GRM2: variants seen among roughly 807,000 people sequenced by gnomAD.
GRM2 encodes glutamate metabotropic receptor 2.
GRM2 carries 35 observed loss-of-function variants against 60.4 expected under a neutral mutation model. The observed-to-expected ratio is 0.58, with a 90% confidence interval of 0.44 to 0.77. The LOEUF (loss-of-function observed/expected upper bound fraction) is 0.77. Ranked by LOEUF, GRM2 falls within the 30% of genes least tolerant of loss-of-function variation. The pLI is 0.00. For synonymous variants in GRM2, 437 were observed against 484.1 expected (o/e 0.90, Z 1.28); for missense variants, 925 against 1,199.5 (o/e 0.77, Z 3.38).
Position 51,712,355 on chromosome 3 carries a change from A to G in GRM2, c.451-118A>G. ...TCAGGATGCAGGGCTTTAGAGAGGGAGCCTTTAGGCCTGACCTTGTGGACA... is the reference window on the plus strand; with the variant it reads ...TCAGGATGCAGGGCTTTAGAGAGGGGGCCTTTAGGCCTGACCTTGTGGACA... On this transcript the variant is annotated intron_variant, in intron 2 of 5. Transcript: ENST00000395052. The surrounding 1 kb of genome is among the most constrained non-coding windows in gnomAD (Gnocchi z 5.3). 1 of 709,272 alleles carries G rather than the reference A, an allele frequency of 1.4e-6. No homozygotes were observed. Among genetic ancestry groups the G allele is most frequent in the Non-Finnish European group, 2.5e-6 (1 of 402,432 alleles). 43.9% of individuals were successfully genotyped at this position (709,272 alleles called of 1,614,324 possible). A position where few individuals can be genotyped will look rare whatever the true frequency, so the allele number is the denominator to read the frequency against.
At position 51,717,229 on chromosome 3, in the gene GRM2, CAAAT is replaced by C. The variant is rs1034702180; in HGVS notation, c.2365-407_2365-404del. ...GGCACACACACATATATCTTCCTGA[CAAAT>C]GAATCCATACCCATGCACCCTACAC... On this transcript the variant is annotated intron_variant, in intron 4 of 5. Transcript: ENST00000395052. The surrounding 1 kb of genome is among the most constrained non-coding windows in gnomAD (Gnocchi z 6.0). Among the ~76,000 whole-genome samples, 2 of 151,966 alleles carry C rather than the reference CAAAT, an allele frequency of 1.3e-5. No individual in the cohort carries two copies. Among genetic ancestry groups the C allele is most frequent in the Non-Finnish European group, 2.9e-5 (2 of 67,994 alleles).
At chr3:51,711,090 G>A (rs1301511281) in intron 2 of GRM2, among the ~76,000 whole-genome samples, 1 of 152,206 alleles carries the variant, frequency 6.6e-6, no homozygotes. Flanking sequence ...GTCAGCTACC[G>A]GCCTGAAGTC....
In GRM2 at chr3:51,718,058, C is replaced by T. The variant is rs768151639; in HGVS notation, c.2565C>T (p.Val855=). The part of the protein sequence containing the change: ...SLGQGSGSQF[V]PTVCNGREVV... ...TCTTAGGGTCTGGCTCCCAGTTTGTCCCCACTGTTTGCAATGGCCGTGAGG... is the reference window on the plus strand; with the variant it reads ...TCTTAGGGTCTGGCTCCCAGTTTGTTCCCACTGTTTGCAATGGCCGTGAGG... The change falls in exon 6 of 6, where the codon GTC becomes GTT. Residue 855 remains valine, a synonymous_variant. Transcript: ENST00000395052. The surrounding 1 kb of genome is among the most constrained non-coding windows in gnomAD (Gnocchi z 4.2). 3.1e-6 allele frequency: 5 copies of T among 1,614,120 alleles called. No homozygotes were observed. The highest frequency in any genetic ancestry group is 2.7e-5 in the African/African-American group (2 of 75,048).
At position 51,709,310 on chromosome 3, in the gene GRM2, A is replaced by G; in HGVS notation, c.327A>G (p.Ser109=). The change falls in exon 2 of 6, where the codon TCA becomes TCG. Residue 109 remains serine (S), a synonymous_variant. Coordinates refer to ENST00000395052, the MANE Select transcript of GRM2 (RefSeq NM_000839.5). ...AGGCACTGGACTTTGTGCGTGCCTC[A>G]CTCAGCCGTGGTGCTGATGGCTCAC... ...LEQALDFVRA[S]LSRGADGSRH... is the part of the protein sequence containing the mutation. 1.2e-6 allele frequency: 2 copies of G among 1,602,764 alleles called. No homozygotes were observed. The highest frequency in any genetic ancestry group is 1.7e-6 in the Non-Finnish European group (2 of 1,171,704).
In GRM2 at chr3:51,718,169, G is replaced by A. The variant is rs374885841; in HGVS notation, c.*57G>A. ...TCCTGGGAACCTAGTGCAGACCCAC[G>A]TCCAGGGCCAGGAGGAAGTTGGCTG... On this transcript the variant is annotated 3_prime_UTR_variant, in exon 6 of 6. Coordinates refer to ENST00000395052, the MANE Select transcript of GRM2 (RefSeq NM_000839.5). The surrounding 1 kb of genome is among the most constrained non-coding windows in gnomAD (Gnocchi z 4.2). The A allele has an allele frequency of 1.3e-5, 18 of 1,418,184 alleles. No individual in the cohort carries two copies. The highest frequency in any genetic ancestry group is 1.0e-4 in the Admixed American group (6 of 59,784). The allele number at this position is 1,418,184 out of a possible 1,614,324, so 87.9% of individuals were successfully genotyped here.
chr3:51,713,912 G>C lies in GRM2; in HGVS notation c.1288+602G>C. ...GCTAGGATGACAGGCATGTGGCACT[G>C]CTCCTAGCTTCAGGGAAAATTTCTA... On this transcript the variant is annotated intron_variant, in intron 3 of 5. Transcript: ENST00000395052. This position sits in a 1 kb window ranked among gnomAD's most constrained non-coding sequence, Gnocchi z 4.8. 2.2e-6 allele frequency: 1 copy of C among 450,218 alleles called. No homozygotes were observed. The highest frequency in any genetic ancestry group is 4.5e-6 in the Non-Finnish European group (1 of 222,900). The allele number at this position is 450,218 out of a possible 1,614,324, so 27.9% of individuals were successfully genotyped here. A position where few individuals can be genotyped will look rare whatever the true frequency, so the allele number is the denominator to read the frequency against.
chr3:51,716,187 G>T lies in GRM2; in HGVS notation c.2364+50G>T. The T allele has an allele frequency of 4.9e-6, 6 of 1,214,422 alleles. No individual in the cohort carries two copies. Among genetic ancestry groups the T allele is most frequent in the Non-Finnish European group, 7.3e-6 (6 of 826,646 alleles). 75.2% of individuals were successfully genotyped at this position (1,214,422 alleles called of 1,614,324 possible). A position where few individuals can be genotyped will look rare whatever the true frequency, so the allele number is the denominator to read the frequency against. ...GGGGAGATGGGACACCAGACCCTCTGTTTCCTGGTATCTTATTTAATCTAC... is the reference window on the plus strand; with the variant it reads ...GGGGAGATGGGACACCAGACCCTCTTTTTCCTGGTATCTTATTTAATCTAC... On this transcript the variant is annotated intron_variant, in intron 4 of 5. Coordinates refer to ENST00000395052, the MANE Select transcript of GRM2 (RefSeq NM_000839.5). The surrounding 1 kb of genome is among the most constrained non-coding windows in gnomAD (Gnocchi z 4.0).
rs765319491 is a variant in GRM2 at position 51,715,452 on chromosome 3, A to C, written c.1679A>C (p.Tyr560Ser). 7.4e-6 allele frequency: 12 copies of C among 1,612,850 alleles called. No homozygotes were observed. Among genetic ancestry groups the C allele is most frequent in the Non-Finnish European group, 1.0e-5 (12 of 1,179,822 alleles). ...GGCTGCTTCGAACTGCCCCAGGAGT[A>C]CATCCGCTGGGGCGATGCCTGGGCT... ...LTGCFELPQEYIRWGDAWAVG... is the reference protein window; with the variant it reads ...LTGCFELPQESIRWGDAWAVG... Residue 560 changes from tyrosine (Y) to serine (S), a missense_variant, in exon 4 of 6, where the codon TAC becomes TCC. Coordinates refer to ENST00000395052, the MANE Select transcript of GRM2 (RefSeq NM_000839.5). The surrounding 1 kb of genome is among the most constrained non-coding windows in gnomAD (Gnocchi z 9.0).
At chr3:51,708,780 A>G (rs906536013) in intron 1 of GRM2, 68 bp from the exon 2 acceptor site, 4 of 511,546 alleles carry the variant, frequency 7.8e-6, no homozygotes, top group Non-Finnish European at 1.4e-5. Flanking sequence ...AGGCAGAGTC[A>G]GAAGGGGCAG....
At chr3:51,709,804 C>A (rs1703645231) in intron 2 of GRM2, among the ~76,000 whole-genome samples, 1 of 41,400 alleles carries the variant, frequency 2.4e-5, no homozygotes, top group Non-Finnish European at 4.6e-5. Context: ...ACCCCACACC[C>A]ACCCCCACAC....
chr3:51,712,886 C>T lies in GRM2; in HGVS notation c.864C>T (p.Ser288=), dbSNP rs770610108. The T allele has an allele frequency of 6.2e-7, 1 of 1,613,050 alleles. No individual in the cohort carries two copies. Among genetic ancestry groups the T allele is most frequent in the Non-Finnish European group, 8.5e-7 (1 of 1,180,036 alleles). ...LLAASQRLNA[S]FTWVASDGWG... ...CTGCCAGCCAGCGCCTCAATGCCAG[C>T]TTCACCTGGGTGGCCAGTGATGGTT... Residue 288 remains serine, a synonymous_variant, in exon 3 of 6, where the codon AGC becomes AGT. Transcript: ENST00000395052. This position sits in a 1 kb window ranked among gnomAD's most constrained non-coding sequence, Gnocchi z 5.3.
chr3:51,717,558 C>A lies in GRM2; in HGVS notation c.2365-79C>A. 8.7e-7 allele frequency: 1 copy of A among 1,152,860 alleles called. No homozygotes were observed. Among genetic ancestry groups the A allele is most frequent in the East Asian group, 2.4e-5 (1 of 42,272 alleles). 71.4% of individuals were successfully genotyped at this position (1,152,860 alleles called of 1,614,324 possible). On this transcript the variant is annotated intron_variant, in intron 4 of 5. Transcript: ENST00000395052. The surrounding 1 kb of genome is among the most constrained non-coding windows in gnomAD (Gnocchi z 6.0). ...GGATGCTTAGTCTCCCCCACTCCCT[C>A]CCCCACAGATCAGGCAGGGGGTCCT...
chr3:51,714,985 A>T (rs1186625165), intron 3 of GRM2, 77 bp from the exon 4 acceptor site: 1 of 889,356 alleles, frequency 1.1e-6, no homozygotes, highest in East Asian at 2.5e-5. Flanking sequence ...TTTGGGTTCC[A>T]TGTTAGGGTG....
rs1703931771 is a variant in GRM2, at chr3:51,717,192, C to T, written c.2365-445C>T. The stretch of plus-strand genomic sequence containing the variant: ...CATGCACACACACATATCCCACATA[C>T]ACACACTCGCTGGCACACACACATA... On this transcript the variant is annotated intron_variant, in intron 4 of 5. Transcript: ENST00000395052. The surrounding 1 kb of genome is among the most constrained non-coding windows in gnomAD (Gnocchi z 6.0). 6.6e-6 allele frequency among the ~76,000 whole-genome samples: 1 copy of T among 152,008 alleles called. No individual in the cohort carries two copies. Among genetic ancestry groups the T allele is most frequent in the African/African-American group, 2.4e-5 (1 of 41,354 alleles).
Position 51,709,128 on chromosome 3 carries a change from G to A in GRM2, c.145G>A (p.Asp49Asn). 4 of 1,612,432 alleles carry A rather than the reference G, an allele frequency of 2.5e-6. No individual in the cohort carries two copies. In the South Asian group the frequency reaches 4.4e-5, roughly 18 times the overall value. Residue 49 changes from aspartate to asparagine, a missense_variant, in exon 2 of 6, where the codon GAC becomes AAC. Coordinates refer to ENST00000395052, the MANE Select transcript of GRM2 (RefSeq NM_000839.5). ...PVHQKGGPAE[D>N]CGPVNEHRGI... ...GCACCAGAAGGGCGGCCCAGCAGAG[G>A]ACTGTGGTCCTGTCAATGAGCACCG... is the stretch of plus-strand genomic sequence containing the variant.
chr3:51,707,243 G>C (rs963483212), intron 1 of GRM2, 76 bp downstream of exon 1: 2 of 152,592 alleles, frequency 1.3e-5, no homozygotes, highest in African/African-American at 4.8e-5. Context: ...CCAGGGTCCT[G>C]CGGGCCCTCA....
At chr3:51,709,678 ACACACAC>A (rs1703626303) in intron 2 of GRM2, among the ~76,000 whole-genome samples, 4 of 22,594 alleles carry the variant, frequency 1.8e-4, no homozygotes, top group Non-Finnish European at 3.9e-4. Flanking sequence ...TCACACACAC[ACACACAC>A]CCCACACACC....
At position 51,712,779 on chromosome 3, in the gene GRM2, G is replaced by A; in HGVS notation, c.757G>A (p.Val253Met). 6.2e-7 allele frequency: 1 copy of A among 1,613,212 alleles called. No individual in the cohort carries two copies. Among genetic ancestry groups the A allele is most frequent in the Non-Finnish European group, 8.5e-7 (1 of 1,180,044 alleles). The change falls in exon 3 of 6, where the codon GTG becomes ATG. Residue 253 changes from valine (V) to methionine (M), a missense_variant. Transcript: ENST00000395052. The surrounding 1 kb of genome is among the most constrained non-coding windows in gnomAD (Gnocchi z 5.3). ...RAMSRAAFEG[V>M]VRALLQKPSA... Reference sequence around the variant, plus strand: ...CATGAGCCGCGCGGCCTTTGAGGGTGTGGTGCGAGCCCTGCTGCAGAAGCC... The same window carrying A: ...CATGAGCCGCGCGGCCTTTGAGGGTATGGTGCGAGCCCTGCTGCAGAAGCC...
At position 51,718,337 on chromosome 3, in the gene GRM2, G is replaced by C. The variant is rs115605956; in HGVS notation, c.*225G>C. The stretch of plus-strand genomic sequence containing the variant: ...GGCCACTAACTGCCCTTGTAGCTGT[G>C]TTTCCTCCTGGCCAGGCCCAGGGCT... On this transcript the variant is annotated 3_prime_UTR_variant, in exon 6 of 6. Transcript: ENST00000395052. The surrounding 1 kb of genome is among the most constrained non-coding windows in gnomAD (Gnocchi z 4.2). The C allele has an allele frequency of 2.5e-4, 145 of 569,308 alleles. 1 individual carries two copies. The highest frequency in any genetic ancestry group is 2.5e-3 in the African/African-American group (133 of 53,318). The allele number at this position is 569,308 out of a possible 1,614,324, so 35.3% of individuals were successfully genotyped here.
Sources: gnomAD v4.1 joint callset for allele counts (sites outside exome capture counted in the v4.1 genomes callset) on GRCh38, gnomAD v4.1.1 for gene constraint, Gnocchi (gnomAD v3.1) non-coding constraint, MANE v1.5 for transcripts, NCBI Gene and HGNC (gene_info 2026-07-23, HGNC 2026-07-21) for gene names.